LRRC37A2: variants seen among roughly 807,000 people sequenced by gnomAD.
LRRC37A2 encodes leucine rich repeat containing 37 member A2.
LRRC37A2 carries 9 observed loss-of-function variants against 68.8 expected under a neutral mutation model. The ratio of observed to expected loss-of-function variants is 0.13; its 90% CI spans 0.08 to 0.23. The LOEUF is 0.23. Ranked by LOEUF, LRRC37A2 falls within the 10% of genes least tolerant of loss-of-function variation. LRRC37A2 has a pLI of 1.00. For synonymous variants in LRRC37A2, 63 were observed against 367.6 expected (o/e 0.17, Z 9.48); for missense variants, 168 against 950.4 (o/e 0.18, Z 10.82).
At chr17:46,534,819 C>A (rs1240789545) in intron 6 of LRRC37A2, among the ~76,000 whole-genome samples, 1 of 147,144 alleles carries the variant, frequency 6.8e-6, no homozygotes, top group South Asian at 2.1e-4. Context: ...GCTGGCCAGG[C>A]GGGGGCTGGC....
chr17:46,939,794 C>G, the LRRC37A2 span: 1 of 987,392 alleles, frequency 1.0e-6, no homozygotes, highest in East Asian at 1.1e-4. Flanking sequence ...GTGACCAGCC[C>G]CGGATTCAGG....
the LRRC37A2 span, among the ~76,000 whole-genome samples, chr17:46,818,324 T>C: frequency 1.8e-4 from 26 of 141,290 alleles, no homozygotes; most frequent in African/African-American, 6.9e-4. Flanking sequence ...AAATGGTGAT[T>C]ATCAGAGGAG....
At chr17:46,986,396 G>A in the LRRC37A2 span, among the ~76,000 whole-genome samples, 1 of 152,136 alleles carries the variant, frequency 6.6e-6, no homozygotes, top group Non-Finnish European at 1.5e-5. Context: ...CTCAATAAAT[G>A]CTAGTAACTA....
At chr17:46,810,757 T>C in the LRRC37A2 span, among the ~76,000 whole-genome samples, 2 of 152,026 alleles carry the variant, frequency 1.3e-5, no homozygotes, top group Non-Finnish European at 2.9e-5. Context: ...ACAGCCTCCA[T>C]GACTGCAATC....
At chr17:46,492,958 T>C in the LRRC37A2 span, among the ~76,000 whole-genome samples, 21 of 149,292 alleles carry the variant, frequency 1.4e-4, no homozygotes, top group South Asian at 4.2e-4. Flanking sequence ...CCTCCCAAAG[T>C]GCTGGGATTA....
chr17:47,032,900 G>T, the LRRC37A2 span, among the ~76,000 whole-genome samples: 1 of 152,068 alleles, frequency 6.6e-6, no homozygotes. Context: ...CTTCTTCAAG[G>T]TTATTCTCAG....
At chr17:47,019,118 G>A in the LRRC37A2 span, 3 of 1,264,896 alleles carry the variant, frequency 2.4e-6, no homozygotes, top group South Asian at 3.6e-5. Flanking sequence ...AGCATCCTGA[G>A]GTGACACTTC....
the LRRC37A2 span, chr17:46,729,044 TG>T: frequency 1.6e-4 from 109 of 688,820 alleles, no homozygotes; most frequent in African/African-American, 1.8e-3. Flanking sequence ...AAAATTCTGT[TG>T]TTGAAAGGAT....
At chr17:46,853,188 C>A in the LRRC37A2 span, among the ~76,000 whole-genome samples, 1 of 151,998 alleles carries the variant, frequency 6.6e-6, no homozygotes, top group East Asian at 1.9e-4. Context: ...GTCAGTCTTG[C>A]CACTTGCTAG....
At chr17:46,497,095 T>C in the LRRC37A2 span, among the ~76,000 whole-genome samples, 21 of 133,500 alleles carry the variant, frequency 1.6e-4, no homozygotes, top group Non-Finnish European at 3.1e-4. Flanking sequence ...GGTTTTGCCA[T>C]GTTGCCCAGG....
chr17:47,003,490 C>A, the LRRC37A2 span, among the ~76,000 whole-genome samples: 1 of 152,324 alleles, frequency 6.6e-6, no homozygotes, highest in African/African-American at 2.4e-5. Context: ...GCTGGCCACT[C>A]CATGCAGGAG....
At chr17:46,932,143 A>C in the LRRC37A2 span, 2 of 1,614,022 alleles carry the variant, frequency 1.2e-6, no homozygotes, top group Non-Finnish European at 1.7e-6. Flanking sequence ...GCGCCATGCA[A>C]GGGAGCAGCA....
At chr17:46,911,453 C>T in the LRRC37A2 span, 1 of 152,268 alleles carries the variant, frequency 6.6e-6, no homozygotes, top group Non-Finnish European at 1.5e-5. Flanking sequence ...CCTGGTGTAT[C>T]TGATCCAACT....
chr17:46,725,414 C>T, the LRRC37A2 span, among the ~76,000 whole-genome samples: 1 of 152,060 alleles, frequency 6.6e-6, no homozygotes, highest in Non-Finnish European at 1.5e-5. Flanking sequence ...AAAACGTTTT[C>T]ACCAGAGGGG....
chr17:46,739,128 G>A, the LRRC37A2 span, among the ~76,000 whole-genome samples: 3 of 152,120 alleles, frequency 2.0e-5, no homozygotes, highest in African/African-American at 7.2e-5. Flanking sequence ...CCAGCACTTT[G>A]GGAGGCCAAG....
chr17:46,910,504 G>A, the LRRC37A2 span, among the ~76,000 whole-genome samples: 1 of 152,184 alleles, frequency 6.6e-6, no homozygotes, highest in Non-Finnish European at 1.5e-5. Flanking sequence ...TCCTGAAGAT[G>A]TCCTCTTAGC....
At chr17:46,752,983 G>C in the LRRC37A2 span, among the ~76,000 whole-genome samples, 54 of 152,124 alleles carry the variant, frequency 3.5e-4, no homozygotes, top group African/African-American at 1.3e-3. Flanking sequence ...TGGCCAAGCC[G>C]GTCTCGATCT....
At chr17:46,960,930 A>G in the LRRC37A2 span, among the ~76,000 whole-genome samples, 92 of 152,214 alleles carry the variant, frequency 6.0e-4, no homozygotes, top group Non-Finnish European at 1.8e-4. Flanking sequence ...AACTCTAAGT[A>G]TTTGTCAAAA....
At chr17:46,837,123 A>G in the LRRC37A2 span, among the ~76,000 whole-genome samples, 1 of 152,004 alleles carries the variant, frequency 6.6e-6, no homozygotes, top group Admixed American at 6.6e-5. Flanking sequence ...TTGTATTTTT[A>G]GTAGAGATGG....
Sources: gnomAD v4.1 joint callset for allele counts (sites outside exome capture counted in the v4.1 genomes callset) on GRCh38, gnomAD v4.1.1 for gene constraint, MANE v1.5 for transcripts, NCBI Gene and HGNC (gene_info 2026-07-23, HGNC 2026-07-21) for gene names.